Variants in CCDC15 observed in about 807,000 individuals in gnomAD.
The protein encoded by CCDC15 is coiled-coil domain containing 15.
Under a neutral mutation model 114.5 loss-of-function variants are expected in CCDC15, and 105 were observed. The ratio of observed to expected loss-of-function variants is 0.92; its 90% CI spans 0.78 to 1.08. CCDC15 has a LOEUF of 1.08. CCDC15 is among the 50% of genes least tolerant of loss of function. CCDC15 has a pLI of 0.00. For synonymous variants in CCDC15, 334 were observed against 377.8 expected (o/e 0.88, Z 1.34); for missense variants, 1,105 against 1,093.6 (o/e 1.01, Z -0.15).
intron 6 of CCDC15, among the ~76,000 whole-genome samples, chr11:124,986,458 TTGA>T (rs1310546198): frequency 6.6e-6 from 1 of 152,244 alleles, no homozygotes; most frequent in Non-Finnish European, 1.5e-5. Flanking sequence ...ATCTTTTCTC[TTGA>T]TCCATGAACA....
chr11:124,954,930 A>C (rs1261500369), intron 2 of CCDC15, 21 bp downstream of exon 2: 1 of 1,611,164 alleles, frequency 6.2e-7, no homozygotes, highest in East Asian at 2.2e-5. Flanking sequence ...GTTTGATCCA[A>C]ATATGGTGGG....
chr11:124,975,560 T>C (rs964302784), intron 5 of CCDC15, among the ~76,000 whole-genome samples: 4 of 152,192 alleles, frequency 2.6e-5, no homozygotes, highest in Non-Finnish European at 2.9e-5. Flanking sequence ...ACAGGACTTA[T>C]AGTGGTGAAA....
chr11:124,961,974 G>A (rs778736370), intron 4 of CCDC15, among the ~76,000 whole-genome samples: 2 of 152,100 alleles, frequency 1.3e-5, no homozygotes, highest in Non-Finnish European at 2.9e-5. Flanking sequence ...TAAGGAGGAG[G>A]AAATCAGGTT....
rs776631244 is a variant in CCDC15, at chr11:124,959,927, C to T, written c.440C>T (p.Pro147Leu). 6.3e-7 allele frequency: 1 copy of T among 1,586,690 alleles called. No homozygotes were observed. The highest frequency in any genetic ancestry group is 2.3e-5 in the East Asian group (1 of 44,306). The change falls in exon 4 of 16, where the codon CCT becomes CTT. Residue 147 changes from proline (P) to leucine (L), a missense_variant. Coordinates refer to ENST00000344762, the MANE Select transcript of CCDC15 (RefSeq NM_025004.3). ...GTTGCTATTGGAAGTTCTAGGTTAC[C>T]TCCTTCCCTGATGCCTGGGGATGGA... is the stretch of plus-strand genomic sequence containing the variant. ...LNVAIGSSRLPPSLMPGDGIE... is the reference protein window; with the variant it reads ...LNVAIGSSRLLPSLMPGDGIE...
At chr11:125,012,891 T>G (rs748159938) in intron 13 of CCDC15, among the ~76,000 whole-genome samples, 1 of 152,146 alleles carries the variant, frequency 6.6e-6, no homozygotes, top group Admixed American at 6.5e-5. Flanking sequence ...CAAATGGACT[T>G]AAGTGTGAAT....
Position 124,960,012 on chromosome 11 carries a change from C to T in CCDC15, c.516+9C>T, listed in dbSNP as rs1947631002. 2.6e-6 allele frequency: 4 copies of T among 1,536,754 alleles called. No homozygotes were observed. In the African/African-American group the frequency reaches 4.1e-5, roughly 16 times the overall value. ...AACAACAAGCCCAGGCTGTAAGTAC[C>T]TGTTCTTTTTATTTTATGTCTATGA... On this transcript the variant is annotated intron_variant, in intron 4 of 15. Transcript: ENST00000344762.
At chr11:125,003,376 A>C (rs952559357) in intron 11 of CCDC15, among the ~76,000 whole-genome samples, 15 of 151,976 alleles carry the variant, frequency 9.9e-5, no homozygotes, top group South Asian at 2.1e-4. Flanking sequence ...TTATGTTATA[A>C]GGCTTTCCCA....
At chr11:124,969,200 T>G (rs1208578610) in intron 4 of CCDC15, among the ~76,000 whole-genome samples, 1 of 152,186 alleles carries the variant, frequency 6.6e-6, no homozygotes. Flanking sequence ...CTAGTGCTCT[T>G]AATCCGCACC....
intron 13 of CCDC15, among the ~76,000 whole-genome samples, chr11:125,017,160 C>T (rs1166004849): frequency 2.0e-5 from 3 of 152,106 alleles, no homozygotes; most frequent in East Asian, 1.9e-4. Flanking sequence ...ACTACTTTAC[C>T]TCACTCAGTT....
intron 6 of CCDC15, among the ~76,000 whole-genome samples, chr11:124,984,504 T>C (rs1040080824): frequency 1.3e-5 from 2 of 152,120 alleles, no homozygotes; most frequent in African/African-American, 4.8e-5. Flanking sequence ...TAATGTCTCC[T>C]AGGGGAGCAA....
intron 13 of CCDC15, among the ~76,000 whole-genome samples, chr11:125,022,814 C>G (rs1052293748): frequency 6.6e-6 from 1 of 151,776 alleles, no homozygotes; most frequent in Non-Finnish European, 1.5e-5. Flanking sequence ...TAGCAATTGG[C>G]CTCATCAGGC....
intron 13 of CCDC15, among the ~76,000 whole-genome samples, chr11:125,018,797 G>A (rs545019719): frequency 2.6e-5 from 4 of 152,122 alleles, no homozygotes; most frequent in African/African-American, 7.2e-5. Context: ...GTAGCACAGA[G>A]ACTGTTTTAA....
chr11:125,006,641 T>C (rs1355242741), intron 13 of CCDC15, among the ~76,000 whole-genome samples: 1 of 152,204 alleles, frequency 6.6e-6, no homozygotes, highest in East Asian at 1.9e-4. Context: ...CTAGGAGTTT[T>C]GTAGTTTTGC....
rs1363067271 is a variant in CCDC15, at chr11:124,959,997, C to T, written c.510C>T (p.Ala170=). ...ENQNELFQQQ[A]QALSETMKQA... Reference sequence around the variant, plus strand: ...AGAACGAATTATTCCAACAACAAGCCCAGGCTGTAAGTACCTGTTCTTTTT... The same window carrying T: ...AGAACGAATTATTCCAACAACAAGCTCAGGCTGTAAGTACCTGTTCTTTTT... The change falls in exon 4 of 16, where the codon GCC becomes GCT. Residue 170 remains alanine (A), a synonymous_variant. Transcript: ENST00000344762. 1.3e-6 allele frequency: 2 copies of T among 1,558,990 alleles called. No individual in the cohort carries two copies. Among genetic ancestry groups the T allele is most frequent in the South Asian group, 2.4e-5 (2 of 84,022 alleles).
intron 13 of CCDC15, among the ~76,000 whole-genome samples, chr11:125,033,443 AG>A (rs2135542685): frequency 6.6e-6 from 1 of 152,228 alleles, no homozygotes; most frequent in East Asian, 1.9e-4. Context: ...TTTGTGGTTG[AG>A]TGACTGGGGT....
At chr11:125,017,181 T>C (rs1948634324) in intron 13 of CCDC15, among the ~76,000 whole-genome samples, 2 of 152,196 alleles carry the variant, frequency 1.3e-5, no homozygotes, top group Admixed American at 1.3e-4. Context: ...GTTATAAGAA[T>C]AAAATGATAT....
chr11:124,967,987 A>G (rs1329441268), intron 4 of CCDC15, among the ~76,000 whole-genome samples: 1 of 152,176 alleles, frequency 6.6e-6, no homozygotes, highest in Non-Finnish European at 1.5e-5. Flanking sequence ...CAAATATTGC[A>G]GAACAGCAAA....
In CCDC15 at chr11:124,996,004, A is replaced by C. The variant is rs530102130; in HGVS notation, c.2214+2761A>C. 2.8e-4 allele frequency among the ~76,000 whole-genome samples: 43 copies of C among 151,664 alleles called. 1 individual carries two copies. The highest frequency in any genetic ancestry group is 9.9e-4 in the African/African-American group (41 of 41,336). On this transcript the variant is annotated intron_variant, in intron 11 of 15. Transcript: ENST00000344762. ...GCTACCAAGCCTGGCTAATTTTTGT[A>C]TTTTTAGTAGAGATGGGGTTTCGTC...
intron 13 of CCDC15, among the ~76,000 whole-genome samples, chr11:125,011,218 A>G (rs1948589339): frequency 7.0e-6 from 1 of 142,486 alleles, no homozygotes; most frequent in African/African-American, 2.8e-5. Context: ...CTGTAATAGA[A>G]GTATTATTAT....
Sources: allele counts gnomAD v4.1 joint callset (sites outside exome capture counted in the v4.1 genomes callset), GRCh38; gene constraint gnomAD v4.1.1; transcripts MANE v1.5; gene names NCBI Gene and HGNC (gene_info 2026-07-23, HGNC 2026-07-21).